The following CNTNAP2 variants were observed in gnomAD, a reference collection of about 807,000 sequenced individuals.
The protein encoded by CNTNAP2 is contactin associated protein 2, also known as contactin-associated protein-like 2.
In CNTNAP2, 98 loss-of-function variants were observed where a neutral mutation model predicts 155.2. That is an observed-to-expected ratio of 0.63 (90% CI 0.54 to 0.75). The LOEUF (loss-of-function observed/expected upper bound fraction) is 0.75, where lower values mean the gene tolerates loss of function less well. Among genes scored for constraint, CNTNAP2 ranks in the 30% least tolerant of loss-of-function variants. The pLI is 0.00. For synonymous variants in CNTNAP2, 651 were observed against 631.2 expected, an observed-to-expected ratio of 1.03 and a Z score of -0.47; for missense variants, 1,727 against 1,688.1, an observed-to-expected ratio of 1.02 and a Z score of -0.40.
At chr7:147,883,621 G>A (rs546788815) in intron 13 of CNTNAP2, among the ~76,000 whole-genome samples, 1 of 152,304 alleles carries the variant, frequency 6.6e-6, no homozygotes, top group Non-Finnish European at 1.5e-5. Flanking sequence ...GGGAGAAACT[G>A]ATTAGGTGTG....
intron 13 of CNTNAP2, among the ~76,000 whole-genome samples, chr7:147,874,074 C>G (rs1004389862): frequency 1.3e-5 from 2 of 152,196 alleles, no homozygotes; most frequent in Non-Finnish European, 2.9e-5. Context: ...AGGGTATAGA[C>G]CCCCATCTCA....
chr7:148,163,043 GT>G (rs1180549673), intron 17 of CNTNAP2, among the ~76,000 whole-genome samples: 3 of 152,150 alleles, frequency 2.0e-5, no homozygotes, highest in Non-Finnish European at 4.4e-5. Flanking sequence ...GGTGGTAAAT[GT>G]CTTGCCTCAG....
intron 15 of CNTNAP2, 73 bp downstream of exon 15, chr7:147,978,062 A>T: frequency 6.3e-7 from 1 of 1,578,258 alleles, no homozygotes; most frequent in Non-Finnish European, 8.6e-7. Context: ...TCCTCAGAAG[A>T]TGCCTGCAAT....
intron 12 of CNTNAP2, among the ~76,000 whole-genome samples, chr7:147,565,266 A>T (rs1584817616): frequency 6.6e-6 from 1 of 152,194 alleles, no homozygotes; most frequent in African/African-American, 2.4e-5. Context: ...CAGTGGCTGG[A>T]ACATAGTGAG....
chr7:147,674,410 A>G (rs956409064), intron 13 of CNTNAP2, among the ~76,000 whole-genome samples: 1 of 152,170 alleles, frequency 6.6e-6, no homozygotes, highest in African/African-American at 2.4e-5. Flanking sequence ...TGCTATTACT[A>G]TAGTTTCTGC....
chr7:147,992,426 T>C (rs1253313050), intron 15 of CNTNAP2, among the ~76,000 whole-genome samples: 2 of 152,096 alleles, frequency 1.3e-5, no homozygotes, highest in Non-Finnish European at 2.9e-5. Flanking sequence ...TTACTACCTG[T>C]AAAATAAATC....
intron 13 of CNTNAP2, among the ~76,000 whole-genome samples, chr7:147,711,357 A>C (rs1282778357): frequency 1.3e-5 from 2 of 152,228 alleles, no homozygotes; most frequent in Admixed American, 6.5e-5. Context: ...GAGAGAGCTC[A>C]TGCATACATG....
intron 3 of CNTNAP2, among the ~76,000 whole-genome samples, chr7:146,950,986 C>G (rs538062354): frequency 1.1e-4 from 16 of 152,190 alleles, no homozygotes; most frequent in African/African-American, 3.6e-4. Context: ...AATCACCTTT[C>G]TAACTGGCGT....
At chr7:146,602,775 T>C (rs1331694741) in intron 1 of CNTNAP2, among the ~76,000 whole-genome samples, 1 of 152,212 alleles carries the variant, frequency 6.6e-6, no homozygotes, top group Non-Finnish European at 1.5e-5. Context: ...AAATATTTGG[T>C]GTGTTCCAAA....
At chr7:146,316,658 T>G (rs1373891673) in intron 1 of CNTNAP2, among the ~76,000 whole-genome samples, 1 of 152,206 alleles carries the variant, frequency 6.6e-6, no homozygotes, top group Non-Finnish European at 1.5e-5. Context: ...ATACTTAACA[T>G]ACGTCCATAA....
intron 11 of CNTNAP2, among the ~76,000 whole-genome samples, chr7:147,561,914 C>G (rs1800071345): frequency 1.3e-5 from 2 of 152,038 alleles, no homozygotes; most frequent in South Asian, 2.1e-4. Context: ...AGTCTTTTCC[C>G]CAACATAAAG....
At chr7:148,237,600 T>A (rs1240144680) in intron 20 of CNTNAP2, among the ~76,000 whole-genome samples, 1 of 152,214 alleles carries the variant, frequency 6.6e-6, no homozygotes, top group Non-Finnish European at 1.5e-5. Flanking sequence ...TAAAAAGTCT[T>A]ACCTGGAGAA....
At chr7:147,483,122 T>C (rs1158269268) in intron 10 of CNTNAP2, among the ~76,000 whole-genome samples, 4 of 152,124 alleles carry the variant, frequency 2.6e-5, no homozygotes, top group Admixed American at 6.5e-5. Context: ...AAATAAAAAA[T>C]ACTTTTAAAG....
At chr7:148,409,789 C>T (rs9648692) in intron 23 of CNTNAP2, among the ~76,000 whole-genome samples, 14,652 of 59,306 alleles carry the variant, frequency 0.25, 2,751 homozygotes, top group African/African-American at 0.31. Flanking sequence ...CGGTGGCTCA[C>T]GCCTGTAATC....
In CNTNAP2 at chr7:147,983,480, A is replaced by G. The variant is rs866189195; in HGVS notation, c.2383+5491A>G. On this transcript the variant is annotated intron_variant, in intron 15 of 23. Transcript: ENST00000361727. Reference sequence around the variant, plus strand: ...ATAAATAAATAAAAAAGTACCCTGTAAAATATTTAAAGAGGTTTATTTAAG... The same window carrying G: ...ATAAATAAATAAAAAAGTACCCTGTGAAATATTTAAAGAGGTTTATTTAAG... Among the ~76,000 whole-genome samples the G allele has an allele frequency of 3.3e-4, 50 of 151,856 alleles. 1 individual carries two copies. Among genetic ancestry groups the G allele is most frequent in the South Asian group, 2.1e-4 (1 of 4,816 alleles).
intron 15 of CNTNAP2, among the ~76,000 whole-genome samples, chr7:148,048,208 G>A (rs756537056): frequency 1.3e-5 from 2 of 151,784 alleles, no homozygotes; most frequent in East Asian, 3.9e-4. Flanking sequence ...ACAGGCGTGA[G>A]CCACCACACC....
At position 147,072,703 on chromosome 7, in the gene CNTNAP2, T is replaced by C. The variant is rs10215053; in HGVS notation, c.550+28649T>C. Among the ~76,000 whole-genome samples, 844 of 152,288 alleles carry C rather than the reference T, an allele frequency of 5.5e-3. 13 individuals carry two copies. Among genetic ancestry groups the C allele is most frequent in the African/African-American group, 0.019 (796 of 41,544 alleles). ...TGCCTCCCATGTGTCAGTCTGGTTTTACCTGGTATTGGGCAATACCATGCA... is the reference window on the plus strand; with the variant it reads ...TGCCTCCCATGTGTCAGTCTGGTTTCACCTGGTATTGGGCAATACCATGCA... On this transcript the variant is annotated intron_variant, in intron 4 of 23. Transcript: ENST00000361727.
intron 12 of CNTNAP2, among the ~76,000 whole-genome samples, chr7:147,592,243 A>C (rs7781408): frequency 0.69 from 104,991 of 151,980 alleles, 36,855 homozygotes; most frequent in African/African-American, 0.81. Flanking sequence ...AAATGATTAG[A>C]TAGAAGAAAC....
intron 6 of CNTNAP2, among the ~76,000 whole-genome samples, chr7:147,125,866 C>G (rs182462414): frequency 1.3e-5 from 2 of 152,158 alleles, no homozygotes; most frequent in African/African-American, 4.8e-5. Flanking sequence ...AATGGATGCA[C>G]GTTTATTCTC....
Sources: gnomAD v4.1 joint callset for allele counts (sites outside exome capture counted in the v4.1 genomes callset) on GRCh38, gnomAD v4.1.1 for gene constraint, MANE v1.5 for transcripts, NCBI Gene and HGNC (gene_info 2026-07-23, HGNC 2026-07-21) for gene names.